Variants in ZNF385B observed in about 807,000 individuals in gnomAD.
ZNF385B encodes zinc finger protein 385B.
Under a neutral mutation model 39.2 loss-of-function variants are expected in ZNF385B, and 23 were observed. That is an observed-to-expected ratio of 0.59 (90% CI 0.42 to 0.83). The LOEUF (loss-of-function observed/expected upper bound fraction) is 0.83. Among genes scored for constraint, ZNF385B ranks in the 40% least tolerant of loss-of-function variants. ZNF385B has a pLI of 0.00. For missense variants in ZNF385B, 552 were observed against 598.9 expected (o/e 0.92, Z 0.82); for synonymous variants, 205 against 222.6 (o/e 0.92, Z 0.70).
intron 1 of ZNF385B, among the ~76,000 whole-genome samples, chr2:179,859,440 T>A (rs1306742032): frequency 6.6e-6 from 1 of 152,220 alleles, no homozygotes; most frequent in East Asian, 1.9e-4. Flanking sequence ...AATAATATAC[T>A]GCAAACAAAG....
chr2:179,775,927 G>A (rs1704286498), intron 1 of ZNF385B, among the ~76,000 whole-genome samples: 1 of 152,164 alleles, frequency 6.6e-6, no homozygotes, highest in East Asian at 1.9e-4. Context: ...GATTTAAATT[G>A]TATCGTCCCT....
At chr2:179,725,454 T>C (rs745998667) in intron 3 of ZNF385B, among the ~76,000 whole-genome samples, 10 of 151,902 alleles carry the variant, frequency 6.6e-5, no homozygotes, top group East Asian at 3.9e-4. Context: ...TATGAATATA[T>C]ATATACACAC....
intron 3 of ZNF385B, among the ~76,000 whole-genome samples, chr2:179,647,498 A>T (rs1246086007): frequency 1.3e-5 from 2 of 152,126 alleles, no homozygotes; most frequent in African/African-American, 4.8e-5. Context: ...GCTCTAAATA[A>T]GTAAGAAGTG....
chr2:179,589,034 G>C (rs1687337757), intron 3 of ZNF385B, among the ~76,000 whole-genome samples: 2 of 152,036 alleles, frequency 1.3e-5, no homozygotes, highest in South Asian at 4.2e-4. Flanking sequence ...TTAGTTTTCA[G>C]GCCAATTTCT....
At chr2:179,735,692 C>T (rs1487278775) in intron 3 of ZNF385B, among the ~76,000 whole-genome samples, 1 of 149,012 alleles carries the variant, frequency 6.7e-6, no homozygotes, top group African/African-American at 2.5e-5. Flanking sequence ...CAATGGAATA[C>T]TATGCAGCCA....
At chr2:179,493,784 C>CATATGTATACATATATGTATATATACAT (rs2055807066) in intron 5 of ZNF385B, among the ~76,000 whole-genome samples, 1 of 88,510 alleles carries the variant, frequency 1.1e-5, no homozygotes, top group Non-Finnish European at 2.4e-5. Flanking sequence ...TGTATATACA[C>CATATGTATACATATATGTATATATACAT]ATATGTATAC....
intron 3 of ZNF385B, among the ~76,000 whole-genome samples, chr2:179,722,249 G>A (rs1430486150): frequency 6.6e-6 from 1 of 152,044 alleles, no homozygotes; most frequent in Non-Finnish European, 1.5e-5. Flanking sequence ...TAGATAAAAA[G>A]ACTCAACATT....
rs902952474 is a variant in ZNF385B at position 179,442,251 on chromosome 2, T to A, written c.*999A>T. The A allele has an allele frequency of 2.6e-5, 4 of 152,616 alleles. No individual in the cohort carries two copies. The highest frequency in any genetic ancestry group is 2.6e-4 in the Admixed American group (4 of 15,282). The allele number at this position is 152,616 out of a possible 1,614,324, so 9.5% of individuals were successfully genotyped here. ...TTTTTATCTTCTGTACATTATTGCA[T>A]TAGGGAGCCACAAAATTATGTAGCA... On this transcript the variant is annotated 3_prime_UTR_variant, in exon 10 of 10. Coordinates refer to ENST00000410066, the MANE Select transcript of ZNF385B (RefSeq NM_152520.6).
intron 3 of ZNF385B, among the ~76,000 whole-genome samples, chr2:179,550,029 A>G (rs1431432438): frequency 6.7e-6 from 1 of 149,620 alleles, no homozygotes; most frequent in Non-Finnish European, 1.5e-5. Flanking sequence ...ATATAAATAT[A>G]TCAAATGTTG....
At chr2:179,549,480 A>G (rs2060434998) in intron 3 of ZNF385B, among the ~76,000 whole-genome samples, 1 of 149,350 alleles carries the variant, frequency 6.7e-6, no homozygotes, top group Non-Finnish European at 1.5e-5. Flanking sequence ...TGGCCTGCCT[A>G]TACAGGACCA....
intron 3 of ZNF385B, among the ~76,000 whole-genome samples, chr2:179,682,820 T>C (rs923768930): frequency 3.9e-5 from 6 of 152,114 alleles, no homozygotes; most frequent in African/African-American, 1.2e-4. Flanking sequence ...GAATCCATAC[T>C]TCGGGTCTCT....
chr2:179,453,036 A>G (rs1457462105), intron 6 of ZNF385B, among the ~76,000 whole-genome samples: 3 of 152,308 alleles, frequency 2.0e-5, no homozygotes, highest in East Asian at 3.9e-4. Flanking sequence ...AATAGCAAAT[A>G]TGAATATACA....
intron 3 of ZNF385B, among the ~76,000 whole-genome samples, chr2:179,732,238 G>A (rs567608194): frequency 3.5e-4 from 53 of 152,306 alleles, no homozygotes; most frequent in African/African-American, 1.3e-3. Context: ...CATTGGCTCA[G>A]CCAATTTAGA....
At chr2:179,465,818 C>G (rs2051940816) in intron 6 of ZNF385B, among the ~76,000 whole-genome samples, 4 of 152,250 alleles carry the variant, frequency 2.6e-5, no homozygotes, top group African/African-American at 9.6e-5. Context: ...ATATTATGAT[C>G]TTCCATTAAT....
intron 3 of ZNF385B, among the ~76,000 whole-genome samples, chr2:179,672,420 C>G (rs1335106637): frequency 6.6e-6 from 1 of 152,072 alleles, no homozygotes; most frequent in African/African-American, 2.4e-5. Flanking sequence ...ACTTTTGAGT[C>G]AATGCTGAAA....
rs77016027 is a variant in ZNF385B at position 179,499,068 on chromosome 2, G to C, written c.553-15634C>G. On this transcript the variant is annotated intron_variant, in intron 5 of 9. Coordinates refer to ENST00000410066, the MANE Select transcript of ZNF385B (RefSeq NM_152520.6). ...ATAAAGCAACAAATTGGAAAATCTA[G>C]AAGAAATGTAAAAATTCTTAGATAC... Among the ~76,000 whole-genome samples the C allele has an allele frequency of 5.6e-4, 85 of 151,960 alleles. 1 individual carries two copies. The East Asian group carries it at 0.01, about 18-fold the overall frequency.
At chr2:179,539,716 T>C (rs1414824673) in intron 4 of ZNF385B, among the ~76,000 whole-genome samples, 2 of 152,176 alleles carry the variant, frequency 1.3e-5, no homozygotes, top group Non-Finnish European at 2.9e-5. Context: ...CATGGATAAA[T>C]TGGCAAATCT....
chr2:179,658,572 A>C (rs1575114792), intron 3 of ZNF385B, among the ~76,000 whole-genome samples: 1 of 152,280 alleles, frequency 6.6e-6, no homozygotes, highest in East Asian at 1.9e-4. Context: ...TTTACTTATA[A>C]TACTGTTACC....
At chr2:179,767,748 A>T (rs977131928) in intron 3 of ZNF385B, among the ~76,000 whole-genome samples, 10 of 152,048 alleles carry the variant, frequency 6.6e-5, no homozygotes, top group Non-Finnish European at 1.5e-4. Flanking sequence ...TTAGCATTAT[A>T]TCCTGGACAA....
Sources: gnomAD v4.1 joint callset for allele counts (sites outside exome capture counted in the v4.1 genomes callset) on GRCh38, gnomAD v4.1.1 for gene constraint, MANE v1.5 for transcripts, NCBI Gene and HGNC (gene_info 2026-07-23, HGNC 2026-07-21) for gene names.